Variants in CSMD1 observed in about 807,000 individuals in gnomAD.
CSMD1 encodes the protein CUB and Sushi multiple domains 1, also known as CUB and sushi domain-containing protein 1.
CSMD1 carries 213 observed loss-of-function variants against 417.5 expected under a neutral mutation model. The ratio of observed to expected loss-of-function variants is 0.51; its 90% CI spans 0.46 to 0.57. The LOEUF is 0.57. CSMD1 is among the 20% of genes least tolerant of loss of function. CSMD1 has a pLI of 0.00. For missense variants in CSMD1, 6,923 were observed against 4,529.7 expected (o/e 1.53, Z -15.17); for synonymous variants, 2,862 against 1,736.8 (o/e 1.65, Z -16.11).
At chr8:3,162,864 C>G (rs1819983836) in intron 37 of CSMD1, among the ~76,000 whole-genome samples, 1 of 152,126 alleles carries the variant, frequency 6.6e-6, no homozygotes, top group African/African-American at 2.4e-5. Context: ...CTGCACTTTC[C>G]TAGATGAATT....
At chr8:4,407,479 T>A (rs186975647) in intron 3 of CSMD1, among the ~76,000 whole-genome samples, 3 of 152,196 alleles carry the variant, frequency 2.0e-5, no homozygotes, top group African/African-American at 7.2e-5. Flanking sequence ...TAATTTTGTA[T>A]ATAATAAATT....
At chr8:3,328,665 G>C (rs1158012388) in intron 23 of CSMD1, among the ~76,000 whole-genome samples, 4 of 152,112 alleles carry the variant, frequency 2.6e-5, no homozygotes, top group Non-Finnish European at 4.4e-5. Context: ...TCTTATCAGA[G>C]TTGACAAAAA....
At chr8:4,361,354 G>A (rs1010751469) in intron 3 of CSMD1, among the ~76,000 whole-genome samples, 1 of 150,870 alleles carries the variant, frequency 6.6e-6, no homozygotes, top group Non-Finnish European at 1.5e-5. Context: ...GCAGTCATCT[G>A]TGATTTTTAA....
chr8:3,301,431 CAG>C (rs1804399931), intron 25 of CSMD1, among the ~76,000 whole-genome samples: 1 of 152,026 alleles, frequency 6.6e-6, no homozygotes, highest in African/African-American at 2.4e-5. Context: ...ATGATATTAA[CAG>C]AGATTATTAG....
At chr8:3,480,727 G>T (rs543310447) in intron 11 of CSMD1, among the ~76,000 whole-genome samples, 20 of 152,106 alleles carry the variant, frequency 1.3e-4, no homozygotes, top group African/African-American at 4.1e-4. Context: ...CAATGACAAT[G>T]ATTTTCCCAT....
At chr8:4,462,330 G>C (rs1444684479) in intron 2 of CSMD1, among the ~76,000 whole-genome samples, 1 of 152,032 alleles carries the variant, frequency 6.6e-6, no homozygotes, top group Non-Finnish European at 1.5e-5. Flanking sequence ...AACTATAAGT[G>C]TTTAAAGAAA....
At chr8:3,140,152 C>T (rs1431474535) in intron 41 of CSMD1, among the ~76,000 whole-genome samples, 2 of 152,146 alleles carry the variant, frequency 1.3e-5, no homozygotes, top group African/African-American at 4.8e-5. Context: ...GATCAGCCCG[C>T]CTCTGCATCC....
chr8:4,317,370 G>A (rs1157400096), intron 3 of CSMD1, among the ~76,000 whole-genome samples: 1 of 152,148 alleles, frequency 6.6e-6, no homozygotes, highest in Non-Finnish European at 1.5e-5. Flanking sequence ...ATAAGCTGTG[G>A]CTCTTTCATT....
chr8:4,901,750 G>A (rs189149209), intron 1 of CSMD1, among the ~76,000 whole-genome samples: 1 of 152,128 alleles, frequency 6.6e-6, no homozygotes, highest in African/African-American at 2.4e-5. Context: ...CATAGAGGAC[G>A]GTAAGTAAAT....
At chr8:4,189,712 T>C (rs573837274) in intron 3 of CSMD1, among the ~76,000 whole-genome samples, 17 of 152,224 alleles carry the variant, frequency 1.1e-4, no homozygotes, top group Non-Finnish European at 8.8e-5. Flanking sequence ...AATTTTTCAT[T>C]TGTATTCTAA....
intron 23 of CSMD1, among the ~76,000 whole-genome samples, chr8:3,339,504 T>C (rs188023062): frequency 2.6e-4 from 40 of 152,252 alleles, no homozygotes; most frequent in Middle Eastern, 3.4e-3. Flanking sequence ...ATTTATCTCA[T>C]CAGAGGGCCA....
In CSMD1 at chr8:3,686,257, G is replaced by A. The variant is rs146056827; in HGVS notation, c.1009+22157C>T. 2.2e-3 allele frequency among the ~76,000 whole-genome samples: 328 copies of A among 152,238 alleles called. 1 individual carries two copies. The highest frequency in any genetic ancestry group is 7.4e-3 in the African/African-American group (309 of 41,544). On this transcript the variant is annotated intron_variant, in intron 7 of 69. Coordinates refer to ENST00000635120, the MANE Select transcript of CSMD1 (RefSeq NM_033225.6). ...GACTTCGTGGATAATCAGAGCGCTT[G>A]GAATACAAGCTAGGAAAGGCAGTGT...
At chr8:4,050,759 A>C (rs1798383055) in intron 3 of CSMD1, among the ~76,000 whole-genome samples, 1 of 152,158 alleles carries the variant, frequency 6.6e-6, no homozygotes, top group Non-Finnish European at 1.5e-5. Flanking sequence ...TAAATGCCCT[A>C]ATTGACCAAG....
chr8:3,342,977 G>A (rs1371466782), intron 23 of CSMD1, among the ~76,000 whole-genome samples: 1 of 151,904 alleles, frequency 6.6e-6, no homozygotes, highest in Non-Finnish European at 1.5e-5. Context: ...TCATATATAA[G>A]CACATGAATT....
chr8:4,127,453 GAAAAAAAAAAAAA>G lies in CSMD1; in HGVS notation c.416-95367_416-95355del, dbSNP rs199764792. 2.7e-3 allele frequency among the ~76,000 whole-genome samples: 276 copies of G among 102,754 alleles called. 1 individual carries two copies. The highest frequency in any genetic ancestry group is 7.5e-3 in the African/African-American group (200 of 26,532). The allele number at this position is 102,754 out of a possible 152,430, so 67.4% of individuals were successfully genotyped here. A position where few individuals can be genotyped will look rare whatever the true frequency, so the allele number is the denominator to read the frequency against. ...AGGACACAGTTTTCCAAGCATTAAT[GAAAAAAAAAAAAA>G]AAAAAAAAAAAAAGAAAATCATAAA... On this transcript the variant is annotated intron_variant, in intron 3 of 69. Transcript: ENST00000635120.
At chr8:4,878,061 C>T (rs1272592023) in intron 1 of CSMD1, among the ~76,000 whole-genome samples, 1 of 152,072 alleles carries the variant, frequency 6.6e-6, no homozygotes, top group Non-Finnish European at 1.5e-5. Context: ...GCTTAAGAAT[C>T]TCTGTAAAAT....
At chr8:3,721,859 G>A (rs183113056) in intron 6 of CSMD1, among the ~76,000 whole-genome samples, 1 of 152,114 alleles carries the variant, frequency 6.6e-6, no homozygotes, top group African/African-American at 2.4e-5. Context: ...GCTGTATGAA[G>A]AAAATAGCAG....
chr8:3,665,047 C>A (rs1008183677), intron 7 of CSMD1, among the ~76,000 whole-genome samples: 1 of 151,986 alleles, frequency 6.6e-6, no homozygotes, highest in Non-Finnish European at 1.5e-5. Flanking sequence ...CTACCAATTT[C>A]TCTGATGTTT....
intron 41 of CSMD1, chr8:3,128,397 T>C (rs925723773): frequency 1.9e-5 from 3 of 154,808 alleles, no homozygotes; most frequent in Non-Finnish European, 2.9e-5. Flanking sequence ...GCTACGTCTA[T>C]AGTAACATCT....
Sources: allele counts gnomAD v4.1 joint callset (sites outside exome capture counted in the v4.1 genomes callset), GRCh38; gene constraint gnomAD v4.1.1; transcripts MANE v1.5; gene names NCBI Gene and HGNC (gene_info 2026-07-23, HGNC 2026-07-21).